AGBL4: variants seen among roughly 807,000 people sequenced by gnomAD.
The protein encoded by AGBL4 is AGBL carboxypeptidase 4.
A neutral mutation model predicts 66.4 loss-of-function variants in AGBL4; 58 were observed. The ratio of observed to expected loss-of-function variants is 0.87; its 90% CI spans 0.71 to 1.09. AGBL4 has a LOEUF of 1.09. Ranked by LOEUF, AGBL4 falls within the 50% of genes least tolerant of loss-of-function variation. AGBL4 has a pLI of 0.00. For synonymous variants in AGBL4, 234 were observed against 222.9 expected, an observed-to-expected ratio of 1.05 and a Z score of -0.44; for missense variants, 579 against 631.0, an observed-to-expected ratio of 0.92 and a Z score of 0.88.
intron 3 of AGBL4, among the ~76,000 whole-genome samples, chr1:49,277,966 T>C (rs566270768): frequency 1.2e-4 from 18 of 152,298 alleles, no homozygotes; most frequent in African/African-American, 4.3e-4. Context: ...TAAGTACTTA[T>C]TATATCCCAG....
intron 2 of AGBL4, among the ~76,000 whole-genome samples, chr1:49,827,052 A>G (rs1034605808): frequency 6.6e-6 from 1 of 152,178 alleles, no homozygotes; most frequent in East Asian, 1.9e-4. Context: ...ATTGGTTAGC[A>G]GAATAAAAAT....
chr1:49,481,474 A>T (rs1646954187), intron 3 of AGBL4, among the ~76,000 whole-genome samples: 1 of 152,094 alleles, frequency 6.6e-6, no homozygotes, highest in African/African-American at 2.4e-5. Context: ...ACTTTTGCAC[A>T]TTGATTTTGT....
chr1:49,714,693 G>T (rs148642227), intron 2 of AGBL4, among the ~76,000 whole-genome samples: 1 of 150,666 alleles, frequency 6.6e-6, no homozygotes, highest in East Asian at 2.0e-4. Flanking sequence ...CTCTTGGATT[G>T]ATTCCATTAT....
intron 4 of AGBL4, among the ~76,000 whole-genome samples, chr1:49,072,888 G>A (rs1221336940): frequency 3.3e-5 from 5 of 152,094 alleles, no homozygotes; most frequent in East Asian, 3.9e-4. Flanking sequence ...CCAATCAAAC[G>A]TAGATTTGGT....
intron 1 of AGBL4, among the ~76,000 whole-genome samples, chr1:50,012,052 G>A (rs1056579387): frequency 4.6e-5 from 7 of 152,140 alleles, no homozygotes; most frequent in Non-Finnish European, 5.9e-5. Flanking sequence ...CCAGCTACTC[G>A]GGAGGCTGAG....
In AGBL4 at chr1:48,736,173, C is replaced by T. The variant is rs559422934; in HGVS notation, c.635-72932G>A. ...TAAGTAATCGTTGAATTGAATTGTG[C>T]CTAACACATTCTTGACAGAGTAAAA... On this transcript the variant is annotated intron_variant, in intron 6 of 13. Coordinates refer to ENST00000371839, the MANE Select transcript of AGBL4 (RefSeq NM_032785.4). The surrounding 1 kb of genome is among the most constrained non-coding windows in gnomAD (Gnocchi z 4.0). 12 of 1,516,744 alleles carry T rather than the reference C, an allele frequency of 7.9e-6. No individual in the cohort carries two copies. Among genetic ancestry groups the T allele is most frequent in the South Asian group, 2.3e-5 (2 of 88,594 alleles). 94.0% of individuals were successfully genotyped at this position (1,516,744 alleles called of 1,614,324 possible).
intron 4 of AGBL4, among the ~76,000 whole-genome samples, chr1:49,136,031 T>C (rs1646003525): frequency 6.6e-6 from 1 of 152,134 alleles, no homozygotes; most frequent in Non-Finnish European, 1.5e-5. Context: ...TATACTACTA[T>C]AACCAGATAA....
chr1:49,314,268 T>C (rs1189969321), intron 3 of AGBL4, among the ~76,000 whole-genome samples: 1 of 152,038 alleles, frequency 6.6e-6, no homozygotes, highest in East Asian at 1.9e-4. Flanking sequence ...GTGCTGGGAT[T>C]CATGTGCAGA....
chr1:49,980,444 G>A (rs1658964634), intron 1 of AGBL4, among the ~76,000 whole-genome samples: 1 of 151,728 alleles, frequency 6.6e-6, no homozygotes, highest in African/African-American at 2.4e-5. Context: ...CCTTCCCTCG[G>A]CCCCTGGTTA....
chr1:49,603,967 CACACACACACA>C lies in AGBL4; in HGVS notation c.282+93335_282+93345del, dbSNP rs1558093702. ...ACACACACACACACACACACACACA[CACACACACACA>C]CACCACATTTTAGATTGATTCCATA... On this transcript the variant is annotated intron_variant, in intron 3 of 13. Coordinates refer to ENST00000371839, the MANE Select transcript of AGBL4 (RefSeq NM_032785.4). Among the ~76,000 whole-genome samples the C allele has an allele frequency of 2.0e-3, 299 of 150,182 alleles. 2 individuals carry two copies. The highest frequency in any genetic ancestry group is 7.0e-3 in the African/African-American group (287 of 40,784).
chr1:48,982,770 T>C (rs765901262), intron 5 of AGBL4, among the ~76,000 whole-genome samples: 1 of 152,184 alleles, frequency 6.6e-6, no homozygotes, highest in Non-Finnish European at 1.5e-5. Context: ...CCCTGAGGAA[T>C]TGCCACACTG....
In AGBL4 at chr1:49,731,472, G is replaced by A. The variant is rs546336013; in HGVS notation, c.158-34035C>T. 5.3e-5 allele frequency among the ~76,000 whole-genome samples: 8 copies of A among 152,214 alleles called. No individual in the cohort carries two copies. In the East Asian group the frequency reaches 5.8e-4, roughly 11 times the overall value. On this transcript the variant is annotated intron_variant, in intron 2 of 13. Coordinates refer to ENST00000371839, the MANE Select transcript of AGBL4 (RefSeq NM_032785.4). ...TACACAGCAGACGAATAATAAATAC[G>A]TGCTGAATCAAATAATACAGATTAC...
At chr1:49,686,506 T>G (rs1272602744) in intron 3 of AGBL4, among the ~76,000 whole-genome samples, 2 of 152,196 alleles carry the variant, frequency 1.3e-5, no homozygotes, top group Non-Finnish European at 2.9e-5. Flanking sequence ...TCACAAAAAC[T>G]GAAAACATTT....
At chr1:49,668,597 T>C (rs576219206) in intron 3 of AGBL4, among the ~76,000 whole-genome samples, 5 of 152,278 alleles carry the variant, frequency 3.3e-5, no homozygotes, top group African/African-American at 1.2e-4. Flanking sequence ...ATGTTTCCCT[T>C]AAACAGAAAG....
At chr1:49,207,409 A>T (rs1466541352) in intron 4 of AGBL4, among the ~76,000 whole-genome samples, 1 of 152,018 alleles carries the variant, frequency 6.6e-6, no homozygotes, top group African/African-American at 2.4e-5. Context: ...GTAGACATAC[A>T]TTCACCATTC....
chr1:49,795,071 A>G (rs1644696960), intron 2 of AGBL4, among the ~76,000 whole-genome samples: 1 of 151,994 alleles, frequency 6.6e-6, no homozygotes, highest in South Asian at 2.1e-4. Context: ...GGAAAATATG[A>G]TAAATTCATT....
intron 4 of AGBL4, among the ~76,000 whole-genome samples, chr1:49,237,734 T>C (rs1437531007): frequency 6.6e-6 from 1 of 151,802 alleles, no homozygotes; most frequent in East Asian, 1.9e-4. Context: ...TTTGCTTCAA[T>C]ATAAGGCATA....
At chr1:49,418,428 C>T (rs902222998) in intron 3 of AGBL4, among the ~76,000 whole-genome samples, 3 of 152,042 alleles carry the variant, frequency 2.0e-5, no homozygotes, top group Non-Finnish European at 2.9e-5. Flanking sequence ...TCATGGAGTT[C>T]GTAGTCTAAT....
intron 5 of AGBL4, among the ~76,000 whole-genome samples, chr1:48,969,231 C>T (rs953749833): frequency 1.3e-5 from 2 of 152,054 alleles, no homozygotes; most frequent in Admixed American, 6.6e-5. Context: ...CCATAATACA[C>T]GGCGGACACT....
Sources: gnomAD v4.1 joint callset for allele counts (sites outside exome capture counted in the v4.1 genomes callset) on GRCh38, gnomAD v4.1.1 for gene constraint, Gnocchi (gnomAD v3.1) non-coding constraint, MANE v1.5 for transcripts, NCBI Gene and HGNC (gene_info 2026-07-23, HGNC 2026-07-21) for gene names.